The following CAND2 variants were observed in gnomAD, a reference collection of about 807,000 sequenced individuals.
CAND2 encodes cullin associated and neddylation dissociated 2 (putative).
CAND2 carries 62 observed loss-of-function variants against 98.9 expected under a neutral mutation model. That is an observed-to-expected ratio of 0.63 (90% confidence interval 0.51 to 0.77). CAND2 has a LOEUF of 0.77. CAND2 is among the 30% of genes least tolerant of loss of function. The pLI, the probability that CAND2 is intolerant of heterozygous loss-of-function variation, is 0.00. For synonymous variants in CAND2, 770 were observed against 731.9 expected (o/e 1.05, Z -0.84); for missense variants, 1,501 against 1,655.2 (o/e 0.91, Z 1.62).
chr3:12,819,153 A>G (rs2061934119), intron 10 of CAND2, among the ~76,000 whole-genome samples: 1 of 152,134 alleles, frequency 6.6e-6, no homozygotes, highest in Non-Finnish European at 1.5e-5. Context: ...AGTTCACTTA[A>G]TCTTACTCTC....
rs765493343 is a variant in CAND2, at chr3:12,817,470, GC to G, written c.2539del (p.Leu847TrpfsTer16). 6.2e-7 allele frequency: 1 copy of G among 1,613,570 alleles called. No homozygotes were observed. Among genetic ancestry groups the G allele is most frequent in the African/African-American group, 1.3e-5 (1 of 75,072 alleles). On this transcript the variant is annotated frameshift_variant, in exon 10 of 15. Coordinates refer to ENST00000456430, the MANE Select transcript of CAND2 (RefSeq NM_001162499.2). LOFTEE classifies it high-confidence loss of function. ...GGGTCAAGGTCCTGGCATTCTTGTC[GC>G]TGGCTGAGGTGGGTCAGGTGGCTGG... Reference protein sequence around the residue: ...TGVKVLAFLSLAEVGQVAGPG... With the variant: ...TGVKVLAFLSXAEVGQVAGPG...
chr3:12,820,846 G>A (rs2061951905), intron 11 of CAND2, among the ~76,000 whole-genome samples: 2 of 152,230 alleles, frequency 1.3e-5, no homozygotes, highest in Non-Finnish European at 1.5e-5. Flanking sequence ...AGTAGAGAGA[G>A]GTTTTGGAGC....
chr3:12,825,709 C>T lies in CAND2; in HGVS notation c.3210+70C>T, dbSNP rs1190974304. 5 of 1,465,586 alleles carry T rather than the reference C, an allele frequency of 3.4e-6. No homozygotes were observed. The South Asian group carries it at 4.9e-5, about 14-fold the overall frequency. 90.8% of individuals were successfully genotyped at this position (1,465,586 alleles called of 1,614,324 possible). On this transcript the variant is annotated intron_variant, in intron 12 of 14. Transcript: ENST00000456430. ...CACCTCTCATGCCTCACTGTTAGGG[C>T]ATTATTATCTCATCAGAGCAGGTGC...
chr3:12,812,566 G>A (rs1193305708), intron 5 of CAND2, among the ~76,000 whole-genome samples: 4 of 151,682 alleles, frequency 2.6e-5, no homozygotes, highest in Admixed American at 6.6e-5. Flanking sequence ...CACCGCGCCC[G>A]GCTAATTTTT....
chr3:12,796,897 C>T, intron 1 of CAND2, 109 bp downstream of exon 1: 2 of 848,790 alleles, frequency 2.4e-6, no homozygotes, highest in Middle Eastern at 2.5e-4. Context: ...CCCCCTGCCT[C>T]TTCTCTCTTC....
chr3:12,799,695 C>T (rs1490234726), intron 1 of CAND2, among the ~76,000 whole-genome samples: 3 of 152,192 alleles, frequency 2.0e-5, no homozygotes, highest in Non-Finnish European at 4.4e-5. Context: ...ACCTGATGAG[C>T]CTCTGCCCTC....
chr3:12,804,647 C>T (rs548106575), intron 2 of CAND2, among the ~76,000 whole-genome samples: 96 of 152,310 alleles, frequency 6.3e-4, no homozygotes, highest in African/African-American at 2.2e-3. Context: ...GTCATTCTCA[C>T]ACCCACACCT....
intron 4 of CAND2, 129 bp from the exon 5 acceptor site, chr3:12,809,930 T>A: frequency 1.9e-6 from 2 of 1,026,972 alleles, no homozygotes; most frequent in Non-Finnish European, 2.6e-6. Flanking sequence ...GCAGGGCACC[T>A]CTTTTGCAAG....
chr3:12,801,589 G>C (rs1049479269), intron 1 of CAND2, among the ~76,000 whole-genome samples: 1 of 152,230 alleles, frequency 6.6e-6, no homozygotes, highest in Non-Finnish European at 1.5e-5. Flanking sequence ...GCCTGGGACA[G>C]CATCAGGCTT....
At chr3:12,827,726 T>G (rs926496262) in intron 13 of CAND2, 122 bp downstream of exon 13, 2 of 923,876 alleles carry the variant, frequency 2.2e-6, no homozygotes, top group Non-Finnish European at 3.2e-6. Flanking sequence ...ATAGCTGCAT[T>G]GTTGTTTTCT....
intron 5 of CAND2, 76 bp downstream of exon 5, chr3:12,810,400 G>A: frequency 7.5e-7 from 1 of 1,331,030 alleles, no homozygotes; most frequent in Non-Finnish European, 9.7e-7. Context: ...CGGTAAAGGG[G>A]CGGAGCTTGG....
chr3:12,816,110 C>T lies in CAND2; in HGVS notation c.1441+102C>T, dbSNP rs1022692991. ...CCAGTTCCTGAGACAGTCTGAGACCCAATCCCAGGCTCAGTCCCTGGTCAA... is the reference window on the plus strand; with the variant it reads ...CCAGTTCCTGAGACAGTCTGAGACCTAATCCCAGGCTCAGTCCCTGGTCAA... On this transcript the variant is annotated intron_variant, in intron 9 of 14. Transcript: ENST00000456430. The T allele has an allele frequency of 2.5e-6, 3 of 1,213,258 alleles. No individual in the cohort carries two copies. The African/African-American group carries it at 4.5e-5, about 18-fold the overall frequency. 75.2% of individuals were successfully genotyped at this position (1,213,258 alleles called of 1,614,324 possible).
chr3:12,818,893 G>C (rs1244419836), intron 10 of CAND2, among the ~76,000 whole-genome samples: 1 of 152,114 alleles, frequency 6.6e-6, no homozygotes, highest in African/African-American at 2.4e-5. Flanking sequence ...TGAGAGACGA[G>C]AGTGTTAAGA....
At chr3:12,807,819 T>C (rs577574485) in intron 3 of CAND2, among the ~76,000 whole-genome samples, 10 of 152,262 alleles carry the variant, frequency 6.6e-5, no homozygotes, top group Admixed American at 6.5e-4. Flanking sequence ...CCCCTCCCTT[T>C]ATAGGGAAAG....
In CAND2 at chr3:12,815,161, G is replaced by A. The variant is rs2061886351; in HGVS notation, c.1027G>A (p.Asp343Asn). 8 of 1,611,658 alleles carry A rather than the reference G, an allele frequency of 5.0e-6. No individual in the cohort carries two copies. The highest frequency in any genetic ancestry group is 2.2e-5 in the South Asian group (2 of 90,942). Reference protein sequence around the residue: ...SEQESEDEYSDDDDMSWKVRR... With the variant: ...SEQESEDEYSNDDDMSWKVRR... Reference sequence around the variant, plus strand: ...CCCAGAGAGTGAAGACGAGTACAGCGATGACGATGACATGAGCTGGAAGGT... The same window carrying A: ...CCCAGAGAGTGAAGACGAGTACAGCAATGACGATGACATGAGCTGGAAGGT... Residue 343 changes from aspartate (D) to asparagine (N), a missense_variant, in exon 8 of 15, where the codon GAT becomes AAT. Transcript: ENST00000456430. The surrounding 1 kb of genome is among the most constrained non-coding windows in gnomAD (Gnocchi z 5.7).
intron 1 of CAND2, among the ~76,000 whole-genome samples, chr3:12,798,486 C>T (rs1171563981): frequency 2.6e-5 from 4 of 152,168 alleles, no homozygotes; most frequent in Non-Finnish European, 2.9e-5. Context: ...AGTGAATGTT[C>T]GCTGGGTCCC....
rs1042203499 is a variant in CAND2 at position 12,803,567 on chromosome 3, G to A, written c.148G>A (p.Val50Met). The change falls in exon 2 of 15, where the codon GTG (valine) becomes ATG (methionine). Residue 50 changes from valine (V) to methionine (M), a missense_variant. By Grantham distance (21) the Val-to-Met change is conservative. Coordinates refer to ENST00000456430, the MANE Select transcript of CAND2 (RefSeq NM_001162499.2). The part of the protein sequence containing the change: ...QLDEDSERKV[V>M]KMLLRLLEDK... ...GGACGAGGACAGCGAGCGCAAGGTGGTGAAGATGCTGCTCCGGCTCCTGGA... is the reference window on the plus strand; with the variant it reads ...GGACGAGGACAGCGAGCGCAAGGTGATGAAGATGCTGCTCCGGCTCCTGGA... The A allele has an allele frequency of 1.2e-6, 2 of 1,613,564 alleles. No individual in the cohort carries two copies. The highest frequency in any genetic ancestry group is 1.7e-6 in the Non-Finnish European group (2 of 1,179,758).
intron 1 of CAND2, among the ~76,000 whole-genome samples, chr3:12,797,696 G>T (rs1449265988): frequency 1.3e-5 from 2 of 152,126 alleles, no homozygotes; most frequent in African/African-American, 4.8e-5. Flanking sequence ...GAGACTCAAT[G>T]AACATTTTTT....
intron 2 of CAND2, chr3:12,807,069 C>G (rs1559548840): frequency 2.2e-6 from 1 of 456,926 alleles, no homozygotes; most frequent in Non-Finnish European, 3.9e-6. Flanking sequence ...TTCTGGAGCA[C>G]TATTTGGCCA....
Sources: allele counts gnomAD v4.1 joint callset (sites outside exome capture counted in the v4.1 genomes callset), GRCh38; gene constraint gnomAD v4.1.1; non-coding constraint Gnocchi (gnomAD v3.1); transcripts MANE v1.5; gene names NCBI Gene and HGNC (gene_info 2026-07-23, HGNC 2026-07-21).